The following IQUB variants were observed in gnomAD, a reference collection of about 807,000 sequenced individuals.
IQUB encodes IQ motif and ubiquitin domain containing.
IQUB carries 86 observed loss-of-function variants against 86.4 expected under a neutral mutation model. The ratio of observed to expected loss-of-function variants is 1.00; its 90% CI spans 0.84 to 1.19. The LOEUF (loss-of-function observed/expected upper bound fraction) is 1.19, where lower values mean the gene tolerates loss of function less well. Ranked by LOEUF, IQUB falls within the 50% of genes most tolerant of loss-of-function variation. IQUB has a pLI of 0.00. For synonymous variants in IQUB, 289 were observed against 304.5 expected (o/e 0.95, Z 0.53); for missense variants, 946 against 916.9 (o/e 1.03, Z -0.41).
Position 123,461,390 on chromosome 7 carries a change from A to G in IQUB, c.1974T>C (p.Tyr658=). The change falls in exon 11 of 13, where the codon TAT becomes TAC. Residue 658 remains tyrosine (Y), a synonymous_variant. Coordinates refer to ENST00000324698, the MANE Select transcript of IQUB (RefSeq NM_178827.5). Reference sequence around the variant, plus strand: ...AGAAAGCAATTTTAGAATCATCTTCATAATCAGCTTCTGTATAGTAGAGCT... The same window carrying G: ...AGAAAGCAATTTTAGAATCATCTTCGTAATCAGCTTCTGTATAGTAGAGCT... ...LQQLYYTEAD[Y]EDDSKIAFLM... 1 of 1,608,890 alleles carries G rather than the reference A, an allele frequency of 6.2e-7. No homozygotes were observed. The highest frequency in any genetic ancestry group is 1.3e-5 in the African/African-American group (1 of 74,846).
chr7:123,509,820 G>T, intron 3 of IQUB, 81 bp downstream of exon 3: 1 of 1,225,468 alleles, frequency 8.2e-7, no homozygotes, highest in Non-Finnish European at 1.2e-6. Flanking sequence ...AAGATATTTA[G>T]TTTTTAAAAT....
chr7:123,525,208 G>A (rs1483323889), intron 1 of IQUB, among the ~76,000 whole-genome samples: 2 of 151,984 alleles, frequency 1.3e-5, no homozygotes, highest in African/African-American at 4.8e-5. Context: ...GGATGATGCT[G>A]GCCTCATAAA....
At chr7:123,491,812 A>T (rs1584599146) in intron 7 of IQUB, among the ~76,000 whole-genome samples, 1 of 152,224 alleles carries the variant, frequency 6.6e-6, no homozygotes, top group Admixed American at 6.5e-5. Context: ...AGCACAGAGG[A>T]GATTAGCATT....
At chr7:123,461,980 G>A (rs1005206601) in intron 10 of IQUB, among the ~76,000 whole-genome samples, 4 of 151,438 alleles carry the variant, frequency 2.6e-5, no homozygotes, top group Non-Finnish European at 5.9e-5. Context: ...AGCTAGATTC[G>A]CATATAAGTA....
chr7:123,498,243 T>A (rs1795789851), intron 6 of IQUB, among the ~76,000 whole-genome samples: 1 of 152,016 alleles, frequency 6.6e-6, no homozygotes, highest in East Asian at 1.9e-4. Context: ...GCAATGCAAA[T>A]TTTCAGGCCC....
chr7:123,502,874 G>T, intron 5 of IQUB, 70 bp downstream of exon 5: 2 of 1,427,840 alleles, frequency 1.4e-6, no homozygotes, highest in South Asian at 1.4e-5. Flanking sequence ...AGAGAAATTT[G>T]AGAGAGTCAT....
intron 2 of IQUB, among the ~76,000 whole-genome samples, chr7:123,510,315 A>G (rs1434455170): frequency 1.3e-5 from 2 of 152,122 alleles, no homozygotes; most frequent in East Asian, 3.9e-4. Context: ...ATATAAGCAT[A>G]GGATACATCT....
intron 1 of IQUB, among the ~76,000 whole-genome samples, chr7:123,521,362 G>T (rs1036852147): frequency 2.0e-5 from 3 of 152,042 alleles, no homozygotes; most frequent in Non-Finnish European, 2.9e-5. Context: ...CAAAATGAGG[G>T]CTGGGTGCAG....
chr7:123,463,765 C>A (rs996598764), intron 10 of IQUB, among the ~76,000 whole-genome samples: 10 of 151,364 alleles, frequency 6.6e-5, no homozygotes, highest in African/African-American at 2.4e-4. Flanking sequence ...GTAAATTTTA[C>A]CAAAGACAAA....
intron 8 of IQUB, 86 bp downstream of exon 8, chr7:123,479,709 G>A (rs1195603277): frequency 2.2e-6 from 2 of 925,678 alleles, no homozygotes; most frequent in Admixed American, 2.8e-5. Context: ...GTAAGTTCTT[G>A]CAATCTAAGT....
intron 7 of IQUB, among the ~76,000 whole-genome samples, chr7:123,486,590 A>G (rs1375252535): frequency 6.6e-6 from 1 of 152,222 alleles, no homozygotes; most frequent in Non-Finnish European, 1.5e-5. Context: ...AGGGAAAATA[A>G]TGATAAAGGT....
rs563432750 is a variant in IQUB, at chr7:123,488,498, C to T, written c.1234+8198G>A. On this transcript the variant is annotated intron_variant, in intron 7 of 12. Transcript: ENST00000324698. ...TGAGCACATTTGCTAGCAGCTGCTT[C>T]CAAAGGCAAAGGGCCTAAAGGCCAT... is the stretch of plus-strand genomic sequence containing the variant. 5.0e-4 allele frequency among the ~76,000 whole-genome samples: 76 copies of T among 152,298 alleles called. 1 individual carries two copies. Among genetic ancestry groups the T allele is most frequent in the African/African-American group, 1.8e-3 (74 of 41,558 alleles).
At chr7:123,508,951 A>G (rs1468031407) in intron 3 of IQUB, among the ~76,000 whole-genome samples, 4 of 152,204 alleles carry the variant, frequency 2.6e-5, no homozygotes, top group African/African-American at 9.6e-5. Flanking sequence ...CAACACCAAC[A>G]ATATGGTCAT....
At chr7:123,455,462 A>T (rs1387852966) in intron 12 of IQUB, among the ~76,000 whole-genome samples, 1 of 152,152 alleles carries the variant, frequency 6.6e-6, no homozygotes, top group Non-Finnish European at 1.5e-5. Context: ...CTTTAAAATT[A>T]AAAATAAAAT....
At chr7:123,528,350 T>A (rs1305522914) in intron 1 of IQUB, among the ~76,000 whole-genome samples, 2 of 152,206 alleles carry the variant, frequency 1.3e-5, no homozygotes, top group Admixed American at 1.3e-4. Context: ...CCGAAAAAAA[T>A]ACTTTTAAAA....
intron 1 of IQUB, among the ~76,000 whole-genome samples, chr7:123,527,685 G>A (rs1196654865): frequency 6.6e-6 from 1 of 152,150 alleles, no homozygotes; most frequent in Non-Finnish European, 1.5e-5. Context: ...CAGATCTCCA[G>A]CTGCGTGCTG....
intron 1 of IQUB, among the ~76,000 whole-genome samples, chr7:123,516,732 T>C (rs918925557): frequency 6.6e-6 from 1 of 152,168 alleles, no homozygotes; most frequent in Non-Finnish European, 1.5e-5. Flanking sequence ...CAATGTATTA[T>C]TTTTAATATT....
At chr7:123,484,044 ATTTC>A (rs1434134108) in intron 7 of IQUB, among the ~76,000 whole-genome samples, 3 of 151,964 alleles carry the variant, frequency 2.0e-5, no homozygotes, top group Non-Finnish European at 4.4e-5. Context: ...TTATCAGAGT[ATTTC>A]TTTCTCTTCT....
intron 8 of IQUB, among the ~76,000 whole-genome samples, chr7:123,469,856 C>G (rs900068604): frequency 6.6e-6 from 1 of 152,100 alleles, no homozygotes; most frequent in Non-Finnish European, 1.5e-5. Context: ...GTTTAATGTC[C>G]TATAAAAATA....
Sources: allele counts gnomAD v4.1 joint callset (sites outside exome capture counted in the v4.1 genomes callset), GRCh38; gene constraint gnomAD v4.1.1; transcripts MANE v1.5; gene names NCBI Gene and HGNC (gene_info 2026-07-23, HGNC 2026-07-21).